The following CASK variants were observed in gnomAD, a reference collection of about 807,000 sequenced individuals.
CASK encodes the protein peripheral plasma membrane protein CASK.
Under a neutral mutation model 82.9 loss-of-function variants are expected in CASK, and 4 were observed. The observed-to-expected ratio is 0.05, with a 90% CI of 0.02 to 0.11. CASK has a LOEUF of 0.11. CASK is among the 10% of genes least tolerant of loss of function. CASK has a pLI of 1.00. For synonymous variants in CASK, 259 were observed against 253.5 expected (o/e 1.02, Z -0.20); for missense variants, 358 against 720.9 (o/e 0.50, Z 5.76).
At chrX:41,920,245 G>A (rs2072760601) in intron 1 of CASK, among the ~76,000 whole-genome samples, 1 of 112,082 alleles carries the variant, frequency 8.9e-6, no homozygotes, top group Admixed American at 9.4e-5. Context: ...TCAATAAAAA[G>A]GTTTTCAGTA....
chrX:41,899,799 A>G (rs2072335449), intron 1 of CASK, among the ~76,000 whole-genome samples: 1 of 111,756 alleles, frequency 8.9e-6, no homozygotes. Flanking sequence ...AGATTTATGC[A>G]CCATCATTAC....
intron 25 of CASK, among the ~76,000 whole-genome samples, chrX:41,529,917 T>C (rs1461225757): frequency 9.0e-6 from 1 of 111,281 alleles, no homozygotes; most frequent in Non-Finnish European, 1.9e-5. Context: ...AGGTCCCAGG[T>C]CACACAGACT....
intron 5 of CASK, chrX:41,727,650 A>G: frequency 3.3e-6 from 4 of 1,208,926 alleles, no homozygotes; most frequent in Non-Finnish European, 4.5e-6. Flanking sequence ...TTGGAACCAC[A>G]TTTATTGGAT....
intron 5 of CASK, among the ~76,000 whole-genome samples, chrX:41,721,786 C>T (rs1219192982): frequency 8.9e-6 from 1 of 112,120 alleles, no homozygotes; most frequent in African/African-American, 3.2e-5. Flanking sequence ...AATGCTCTGT[C>T]CCATACCTGG....
intron 8 of CASK, among the ~76,000 whole-genome samples, chrX:41,646,059 C>T (rs1394294325): frequency 9.0e-6 from 1 of 111,421 alleles, no homozygotes; most frequent in African/African-American, 3.3e-5. Context: ...GTGCCTCGGA[C>T]ATGCACCTAG....
At chrX:41,833,278 T>C (rs1251019370) in intron 2 of CASK, among the ~76,000 whole-genome samples, 1 of 111,595 alleles carries the variant, frequency 9.0e-6, no homozygotes, top group East Asian at 2.8e-4. Context: ...AATGAATCGA[T>C]ATATATCTAC....
intron 6 of CASK, among the ~76,000 whole-genome samples, chrX:41,666,208 T>C (rs1391644193): frequency 8.9e-6 from 1 of 112,243 alleles, no homozygotes; most frequent in Non-Finnish European, 1.9e-5. Context: ...TTCATCTTCT[T>C]TAAAGAGTTT....
chrX:41,860,760 G>GA (rs2071461917), intron 1 of CASK, among the ~76,000 whole-genome samples: 2 of 111,467 alleles, frequency 1.8e-5, no homozygotes, highest in Non-Finnish European at 3.8e-5. Flanking sequence ...TTAAACCAAA[G>GA]AAAAAAAAGT....
chrX:41,854,272 A>ACG (rs2071332558), intron 1 of CASK, among the ~76,000 whole-genome samples: 1 of 108,137 alleles, frequency 9.2e-6, no homozygotes, highest in Non-Finnish European at 1.9e-5. Context: ...ACACACACAC[A>ACG]CGGTTCCCTG....
intron 8 of CASK, among the ~76,000 whole-genome samples, chrX:41,644,638 T>A (rs890207181): frequency 6.2e-5 from 7 of 112,334 alleles, no homozygotes; most frequent in African/African-American, 1.6e-4. Context: ...TGACTGCTGG[T>A]GAGCCAGGCA....
At chrX:41,678,126 A>G (rs1161462923) in intron 5 of CASK, among the ~76,000 whole-genome samples, 2 of 112,009 alleles carry the variant, frequency 1.8e-5, no homozygotes, top group African/African-American at 6.5e-5. Context: ...GTTTTCCTTG[A>G]TTGTCTCAAA....
intron 12 of CASK, among the ~76,000 whole-genome samples, chrX:41,593,925 A>G (rs1018998430): frequency 2.1e-4 from 24 of 112,373 alleles, no homozygotes; most frequent in African/African-American, 7.1e-4. Context: ...GCAGGACTCA[A>G]ATTTCAAATC....
Position 41,651,325 on chromosome X carries a change from G to A in CASK, c.831+9114C>T, listed in dbSNP as rs1368379290. On this transcript the variant is annotated intron_variant, in intron 8 of 26. Coordinates refer to ENST00000378163, the MANE Select transcript of CASK (RefSeq NM_001367721.1). ...AGTGAGAAAAGTAAAGGAGAAATAG[G>A]AATTACCTCTAAAGTGTTCATTATA... Among the ~76,000 whole-genome samples the A allele has an allele frequency of 4.5e-5, 5 of 111,636 alleles. No homozygotes were observed. In the East Asian group the frequency reaches 1.4e-3, roughly 31 times the overall value.
chrX:41,682,924 G>C (rs755168510), intron 5 of CASK, among the ~76,000 whole-genome samples: 13 of 110,984 alleles, frequency 1.2e-4, no homozygotes, highest in African/African-American at 3.9e-4. Context: ...GCTTATTAGA[G>C]TTAGTGTATC....
chrX:41,753,146 T>A (rs753652727), intron 3 of CASK, among the ~76,000 whole-genome samples: 37 of 112,431 alleles, frequency 3.3e-4, no homozygotes, highest in Middle Eastern at 4.6e-3. Context: ...TATATATGCA[T>A]ATTTATGTAT....
At chrX:41,537,083 G>A (rs1227668917) in intron 22 of CASK, among the ~76,000 whole-genome samples, 2 of 111,738 alleles carry the variant, frequency 1.8e-5, no homozygotes, top group Non-Finnish European at 3.8e-5. Flanking sequence ...CCTCTATAGA[G>A]CCCTAACTGT....
At chrX:41,715,101 G>T (rs1176401617) in intron 5 of CASK, among the ~76,000 whole-genome samples, 1 of 112,503 alleles carries the variant, frequency 8.9e-6, no homozygotes, top group Non-Finnish European at 1.9e-5. Flanking sequence ...GATCAAAGAA[G>T]GTAAGACCAA....
intron 5 of CASK, among the ~76,000 whole-genome samples, chrX:41,691,663 C>A (rs1274476796): frequency 9.3e-6 from 1 of 108,019 alleles, no homozygotes; most frequent in Admixed American, 1.0e-4. Flanking sequence ...TCAAGACCAG[C>A]CTGGCCAACA....
At chrX:41,732,206 G>A (rs891881286) in intron 5 of CASK, among the ~76,000 whole-genome samples, 4 of 111,034 alleles carry the variant, frequency 3.6e-5, no homozygotes, top group African/African-American at 1.3e-4. Context: ...TTGACTCAAA[G>A]GCCAACAAGA....
Sources: allele counts gnomAD v4.1 joint callset (sites outside exome capture counted in the v4.1 genomes callset), GRCh38; gene constraint gnomAD v4.1.1; transcripts MANE v1.5; gene names NCBI Gene and HGNC (gene_info 2026-07-23, HGNC 2026-07-21).